Variants in INPP5B observed in about 807,000 individuals in gnomAD.
INPP5B encodes the protein type II inositol 1,4,5-trisphosphate 5-phosphatase.
A neutral mutation model predicts 118.5 loss-of-function variants in INPP5B; 90 were observed. The observed-to-expected ratio is 0.76, with a 90% CI of 0.64 to 0.90. The LOEUF is 0.90. Ranked by LOEUF, INPP5B falls within the 40% of genes least tolerant of loss-of-function variation. INPP5B has a pLI of 0.00. For missense variants in INPP5B, 984 were observed against 1,125.6 expected (o/e 0.87, Z 1.80); for synonymous variants, 385 against 418.9 (o/e 0.92, Z 0.99).
intron 7 of INPP5B, among the ~76,000 whole-genome samples, chr1:37,924,137 T>C (rs2148642237): frequency 6.6e-6 from 1 of 151,682 alleles, no homozygotes; most frequent in East Asian, 2.0e-4. Context: ...AGCAGCCAGG[T>C]TCTCAGTTCT....
At position 37,862,370 on chromosome 1, in the gene INPP5B, G is replaced by C; in HGVS notation, c.2687C>G (p.Thr896Arg). 6.2e-7 allele frequency: 1 copy of C among 1,614,040 alleles called. No homozygotes were observed. Among genetic ancestry groups the C allele is most frequent in the Non-Finnish European group, 8.5e-7 (1 of 1,179,928 alleles). The change falls in exon 24 of 24, where the codon ACA becomes AGA. Residue 896 changes from threonine (T) to arginine (R), a missense_variant. By Grantham distance (71) the Thr-to-Arg change is moderately conservative (BLOSUM62 -1). This residue lies in a region of INPP5B where 634 missense variants were observed against 791.0 expected (regional missense o/e 0.80). Transcript: ENST00000373024. ...AAATTCTTGAGCCTTCTTCTTCTCT[G>C]TCATATCAAGCTTTTGGTGACCAGC... The part of the protein sequence containing the change: ...NPAGHQKLDM[T>R]EKKKAQEFIH...
Position 37,875,598 on chromosome 1 carries a change from C to CTA in INPP5B, c.1788+7_1788+8insTA, listed in dbSNP as rs1397654846. Reference sequence around the variant, plus strand: ...CCAATGCTAATATTCTTAACATGTCCTTCCTACCTCTCGCTTGGACAGGGA... The same window carrying CTA: ...CCAATGCTAATATTCTTAACATGTCCTATTCCTACCTCTCGCTTGGACAGGGA... On this transcript the variant is annotated splice_region_variant and intron_variant, in intron 17 of 23. Coordinates refer to ENST00000373024, the MANE Select transcript of INPP5B (RefSeq NM_005540.3). 4 of 1,604,664 alleles carry CTA rather than the reference C, an allele frequency of 2.5e-6. No homozygotes were observed. The highest frequency in any genetic ancestry group is 1.7e-5 in the Admixed American group (1 of 60,008).
intron 20 of INPP5B, 137 bp from the exon 21 acceptor site, chr1:37,866,680 G>C: frequency 1.5e-6 from 1 of 648,650 alleles, no homozygotes; most frequent in Non-Finnish European, 2.8e-6. Flanking sequence ...CAGATGATCT[G>C]ATTTAGGCTG....
intron 7 of INPP5B, among the ~76,000 whole-genome samples, chr1:37,906,367 A>C (rs1162647184): frequency 1.3e-5 from 2 of 152,246 alleles, no homozygotes; most frequent in Non-Finnish European, 2.9e-5. Context: ...CAGCTTTAAA[A>C]AAGTATTATC....
intron 5 of INPP5B, chr1:37,941,974 T>TATATATATATATATATATAA (rs1390505203): frequency 6.2e-5 from 5 of 80,900 alleles, no homozygotes; most frequent in African/African-American, 1.9e-4. Flanking sequence ...TATATATATA[T>TATATATATATATATATATAA]AAAATAAAAT....
intron 22 of INPP5B, chr1:37,864,724 A>C (rs3828152): frequency 0.029 from 6,088 of 207,020 alleles, 292 homozygotes; most frequent in East Asian, 0.2. Flanking sequence ...GGTGAGAGCA[A>C]AGAAAGTATA....
At chr1:37,902,958 G>A (rs768779681) in intron 7 of INPP5B, among the ~76,000 whole-genome samples, 15 of 151,680 alleles carry the variant, frequency 9.9e-5, no homozygotes, top group Non-Finnish European at 1.6e-4. Context: ...ATTCCACTCT[G>A]GGCACTACAG....
chr1:37,900,375 C>T (rs1023703455), intron 7 of INPP5B, among the ~76,000 whole-genome samples: 1 of 151,920 alleles, frequency 6.6e-6, no homozygotes, highest in African/African-American at 2.4e-5. Flanking sequence ...CTGCCTCAGC[C>T]TCCTGAGTAG....
intron 6 of INPP5B, among the ~76,000 whole-genome samples, chr1:37,932,916 T>C (rs17465420): frequency 0.44 from 66,830 of 152,040 alleles, 17,238 homozygotes; most frequent in Non-Finnish European, 0.58. Context: ...ACTCTCCCTC[T>C]TAGAAATTCT....
At chr1:37,921,807 C>T (rs1464911625) in intron 7 of INPP5B, among the ~76,000 whole-genome samples, 1 of 152,000 alleles carries the variant, frequency 6.6e-6, no homozygotes, top group Non-Finnish European at 1.5e-5. Flanking sequence ...GTCAGGAGTT[C>T]GAGACTAGCC....
chr1:37,922,051 A>G (rs1250565325), intron 7 of INPP5B, among the ~76,000 whole-genome samples: 2 of 150,670 alleles, frequency 1.3e-5, no homozygotes, highest in Non-Finnish European at 3.0e-5. Flanking sequence ...AATAAATAAA[A>G]ATGAGCTGGG....
intron 7 of INPP5B, chr1:37,930,106 G>C (rs1645393299): frequency 6.6e-6 from 1 of 152,114 alleles, no homozygotes; most frequent in South Asian, 2.1e-4. Flanking sequence ...CTGGAGTGCA[G>C]CAACTAATTC....
chr1:37,937,883 G>A (rs183957430), intron 6 of INPP5B, among the ~76,000 whole-genome samples: 5 of 150,780 alleles, frequency 3.3e-5, no homozygotes, highest in East Asian at 2.0e-4. Context: ...CAGGAGAATC[G>A]CTTGAACCCC....
intron 5 of INPP5B, chr1:37,941,956 A>AT (rs1175403149): frequency 4.5e-4 from 12 of 26,778 alleles, no homozygotes; most frequent in South Asian, 1.8e-3. Context: ...AAAAAAAAAA[A>AT]AAATATATAT....
chr1:37,921,791 C>T (rs1177525494), intron 7 of INPP5B, among the ~76,000 whole-genome samples: 1 of 152,128 alleles, frequency 6.6e-6, no homozygotes, highest in Non-Finnish European at 1.5e-5. Flanking sequence ...AGGTGGATCA[C>T]CTGAGGTCAG....
At chr1:37,869,601 T>G (rs1245886137) in intron 19 of INPP5B, among the ~76,000 whole-genome samples, 1 of 152,060 alleles carries the variant, frequency 6.6e-6, no homozygotes, top group Non-Finnish European at 1.5e-5. Flanking sequence ...TGCCTCAGCC[T>G]CCCGAGCAGC....
intron 13 of INPP5B, chr1:37,884,182 A>G (rs1460416797): frequency 6.6e-6 from 1 of 152,184 alleles, no homozygotes; most frequent in African/African-American, 2.4e-5. Context: ...TTTCTTCATA[A>G]TGTTGGAGGT....
chr1:37,932,363 C>CTTTTTTTTTTTTTTTT (rs58150703), intron 6 of INPP5B, among the ~76,000 whole-genome samples: 5 of 87,808 alleles, frequency 5.7e-5, no homozygotes, highest in South Asian at 3.9e-4. Flanking sequence ...CTTTTCTTTT[C>CTTTTTTTTTTTTTTTT]TTTTTTTTTT....
At position 37,919,838 on chromosome 1, in the gene INPP5B, G is replaced by T. The variant is rs539771063; in HGVS notation, c.532+12075C>A. On this transcript the variant is annotated intron_variant, in intron 7 of 23. Transcript: ENST00000373024. ...GGCGCCTATAATCCCAGCTACTCGGGAGGCTGAGGCACAAGAATCACTTGA... is the reference window on the plus strand; with the variant it reads ...GGCGCCTATAATCCCAGCTACTCGGTAGGCTGAGGCACAAGAATCACTTGA... Among the ~76,000 whole-genome samples, 3 of 152,218 alleles carry T rather than the reference G, an allele frequency of 2.0e-5. No individual in the cohort carries two copies. In the East Asian group the frequency reaches 5.8e-4, roughly 29 times the overall value.
Sources: gnomAD v4.1 joint callset for allele counts (sites outside exome capture counted in the v4.1 genomes callset) on GRCh38, gnomAD v4.1.1 for gene constraint, gnomAD v4.1.1 regional missense constraint, MANE v1.5 for transcripts, NCBI Gene and HGNC (gene_info 2026-07-23, HGNC 2026-07-21) for gene names.